The following ATG3 variants were observed in gnomAD, a reference collection of about 807,000 sequenced individuals.
ATG3 encodes autophagy related 3.
Under a neutral mutation model 50.7 loss-of-function variants are expected in ATG3, and 25 were observed. The ratio of observed to expected loss-of-function variants is 0.49; its 90% CI spans 0.36 to 0.69. ATG3 has a LOEUF of 0.69. ATG3 is among the 30% of genes least tolerant of loss of function. ATG3 has a pLI of 0.00. For missense variants in ATG3, 281 were observed against 376.0 expected, an observed-to-expected ratio of 0.75 and a Z score of 2.09; for synonymous variants, 119 against 125.5, an observed-to-expected ratio of 0.95 and a Z score of 0.34.
intron 11 of ATG3, 57 bp downstream of exon 11, chr3:112,534,211 CA>C (rs35560667): frequency 2.1e-4 from 270 of 1,256,900 alleles, no homozygotes; most frequent in Admixed American, 1.9e-3. Flanking sequence ...CTAAATTTCT[CA>C]AAAAAAAAAT....
At chr3:112,532,906 TC>T (rs2082566375) in intron 11 of ATG3, 126 bp from the exon 12 acceptor site, 2 of 1,312,238 alleles carry the variant, frequency 1.5e-6, no homozygotes, top group East Asian at 6.0e-5. Context: ...TTAAATTAAG[TC>T]TATTAAAGAA....
intron 2 of ATG3, among the ~76,000 whole-genome samples, chr3:112,555,741 T>C (rs536162761): frequency 6.6e-6 from 1 of 152,362 alleles, no homozygotes; most frequent in South Asian, 2.1e-4. Flanking sequence ...CATTCTACTC[T>C]AACTCAATCC....
Position 112,561,579 on chromosome 3 carries a change from G to A in ATG3, c.-51C>T. 2 of 1,567,366 alleles carry A rather than the reference G, an allele frequency of 1.3e-6. No homozygotes were observed. The highest frequency in any genetic ancestry group is 8.7e-7 in the Non-Finnish European group (1 of 1,149,952). Reference sequence around the variant, plus strand: ...CCGCGACGGGATGGAAAGTGCAGCCGTGTCAGGGGCCAGGGAGTCAGAAAA... The same window carrying A: ...CCGCGACGGGATGGAAAGTGCAGCCATGTCAGGGGCCAGGGAGTCAGAAAA... On this transcript the variant is annotated 5_prime_UTR_variant, in exon 1 of 12. In the 5' UTR this introduces an upstream ATG that the reference lacks. Coordinates refer to ENST00000283290, the MANE Select transcript of ATG3 (RefSeq NM_022488.5).
chr3:112,547,242 T>C (rs758430803), intron 5 of ATG3, among the ~76,000 whole-genome samples: 56 of 152,206 alleles, frequency 3.7e-4, no homozygotes, highest in African/African-American at 9.2e-4. Flanking sequence ...GCACAGAAAA[T>C]AATTATCCAT....
intron 11 of ATG3, chr3:112,533,264 A>G (rs2082569283): frequency 1.0e-6 from 1 of 984,844 alleles, no homozygotes; most frequent in Admixed American, 6.2e-5. Flanking sequence ...ACTGTCTTTA[A>G]TTAAATTCTG....
intron 7 of ATG3, among the ~76,000 whole-genome samples, chr3:112,540,102 A>G (rs1470480369): frequency 6.6e-6 from 1 of 152,234 alleles, no homozygotes; most frequent in African/African-American, 2.4e-5. Flanking sequence ...TCCCTAGCAT[A>G]CAGATGGTAT....
chr3:112,560,969 C>G (rs768277988), intron 1 of ATG3, among the ~76,000 whole-genome samples: 5 of 152,174 alleles, frequency 3.3e-5, no homozygotes, highest in Non-Finnish European at 5.9e-5. Context: ...CCTCTGAAAT[C>G]TAAACGAGTT....
intron 10 of ATG3, chr3:112,535,505 A>C (rs1308243108): frequency 6.6e-6 from 1 of 152,188 alleles, no homozygotes; most frequent in Non-Finnish European, 1.5e-5. Flanking sequence ...CCATAAGAGG[A>C]ATCAAGAGAA....
intron 5 of ATG3, among the ~76,000 whole-genome samples, chr3:112,544,481 C>T (rs1404563490): frequency 1.3e-5 from 2 of 151,790 alleles, no homozygotes; most frequent in Non-Finnish European, 2.9e-5. Flanking sequence ...CATGGTGAAA[C>T]CGTTTCTACT....
intron 3 of ATG3, among the ~76,000 whole-genome samples, chr3:112,551,166 A>G (rs1166073977): frequency 6.6e-6 from 1 of 152,212 alleles, no homozygotes; most frequent in East Asian, 1.9e-4. Context: ...ACATATGGCC[A>G]TAAATTTGGA....
chr3:112,536,721 A>G, intron 9 of ATG3, 119 bp from the exon 10 acceptor site: 2 of 1,034,594 alleles, frequency 1.9e-6, no homozygotes, highest in Admixed American at 4.8e-5. Flanking sequence ...GGAGATCGAG[A>G]CCATCCTGGC....
chr3:112,533,224 A>C (rs181778021), intron 11 of ATG3: 442 of 985,318 alleles, frequency 4.5e-4, no homozygotes, highest in Non-Finnish European at 5.2e-4. Flanking sequence ...AGGTTAGTGT[A>C]TGTATTTGCC....
chr3:112,532,895 CT>C (rs1347916468), intron 11 of ATG3, 115 bp from the exon 12 acceptor site: 1 of 1,324,012 alleles, frequency 7.6e-7, no homozygotes, highest in African/African-American at 1.5e-5. Flanking sequence ...CCCACAAAAT[CT>C]TAAATTAAGT....
At chr3:112,533,466 T>A in intron 11 of ATG3, 1 of 985,298 alleles carries the variant, frequency 1.0e-6, no homozygotes, top group East Asian at 1.1e-4. Flanking sequence ...TTGGTTTGTT[T>A]CAATATCAAA....
At chr3:112,550,040 G>C (rs1401109670) in intron 4 of ATG3, 152 bp downstream of exon 4, 1 of 528,212 alleles carries the variant, frequency 1.9e-6, no homozygotes, top group Non-Finnish European at 3.3e-6. Context: ...CTCTTCCTTC[G>C]TATCTTGACA....
intron 10 of ATG3, chr3:112,535,080 C>T (rs1035603421): frequency 5.3e-5 from 8 of 151,984 alleles, no homozygotes; most frequent in Non-Finnish European, 1.0e-4. Context: ...CTCTCCTGTA[C>T]TATAGAAAAG....
intron 11 of ATG3, 116 bp from the exon 12 acceptor site, chr3:112,532,896 T>G: frequency 7.6e-7 from 1 of 1,322,826 alleles, no homozygotes; most frequent in Middle Eastern, 2.8e-4. Context: ...CCACAAAATC[T>G]TAAATTAAGT....
At chr3:112,543,879 G>C in intron 6 of ATG3, 178 bp downstream of exon 6, 1 of 469,168 alleles carries the variant, frequency 2.1e-6, no homozygotes, top group East Asian at 3.2e-5. Context: ...TAGTGTTTTG[G>C]TGTGTTGAGA....
intron 6 of ATG3, 33 bp from the exon 7 acceptor site, chr3:112,541,917 G>A (rs775897386): frequency 5.2e-6 from 8 of 1,529,518 alleles, no homozygotes; most frequent in South Asian, 3.4e-5. Flanking sequence ...AATCACTTAA[G>A]TATATACATT....
Sources: allele counts gnomAD v4.1 joint callset (sites outside exome capture counted in the v4.1 genomes callset), GRCh38; gene constraint gnomAD v4.1.1; transcripts MANE v1.5; gene names NCBI Gene and HGNC (gene_info 2026-07-23, HGNC 2026-07-21).